Variants in PRR16 observed in about 807,000 individuals in gnomAD.
PRR16 encodes proline rich 16, also known as protein Largen.
Under a neutral mutation model 18.2 loss-of-function variants are expected in PRR16, and 6 were observed. That is an observed-to-expected ratio of 0.33 (90% CI 0.18 to 0.65). The LOEUF (loss-of-function observed/expected upper bound fraction) is 0.65. PRR16 is among the 30% of genes least tolerant of loss of function. The probability of loss-of-function intolerance (pLI) is 0.74; values close to 1 mark genes in which losing one functional copy is unlikely to be tolerated. For synonymous variants in PRR16, 151 were observed against 147.8 expected, an observed-to-expected ratio of 1.02 and a Z score of -0.16; for missense variants, 412 against 376.6, an observed-to-expected ratio of 1.09 and a Z score of -0.78.
At chr5:120,781,035 C>T in the PRR16 span, among the ~76,000 whole-genome samples, 1,953 of 152,124 alleles carry the variant, frequency 0.013, 40 homozygotes, top group African/African-American at 0.043. Flanking sequence ...GGCAACAGAG[C>T]GAGACTCCAT....
chr5:120,659,331 T>C (rs890110905), intron 1 of PRR16, among the ~76,000 whole-genome samples: 2 of 152,092 alleles, frequency 1.3e-5, no homozygotes, highest in African/African-American at 4.8e-5. Flanking sequence ...TCCTTGAGAG[T>C]TTCTGTTTGT....
At chr5:120,490,292 T>G (rs919435071) in intron 1 of PRR16, among the ~76,000 whole-genome samples, 4 of 152,228 alleles carry the variant, frequency 2.6e-5, no homozygotes, top group African/African-American at 9.6e-5. Context: ...TGTACCGCAA[T>G]CGGATGTAGA....
At chr5:120,479,183 A>G (rs974697541) in intron 1 of PRR16, among the ~76,000 whole-genome samples, 2 of 152,180 alleles carry the variant, frequency 1.3e-5, no homozygotes, top group Non-Finnish European at 2.9e-5. Context: ...TTTGGAGATT[A>G]TCCTATCAAG....
chr5:120,726,594 CTTAGT>C, the PRR16 span, among the ~76,000 whole-genome samples: 2 of 151,986 alleles, frequency 1.3e-5, no homozygotes, highest in East Asian at 1.9e-4. Flanking sequence ...TTTAATGTTT[CTTAGT>C]TTAGTATGTT....
chr5:120,564,361 C>G (rs1181860941), intron 1 of PRR16, among the ~76,000 whole-genome samples: 1 of 152,088 alleles, frequency 6.6e-6, no homozygotes, highest in Middle Eastern at 3.2e-3. Flanking sequence ...GACTGCCTTT[C>G]AAGTTTACCT....
At chr5:120,539,359 A>G (rs1751832900) in intron 1 of PRR16, among the ~76,000 whole-genome samples, 2 of 151,720 alleles carry the variant, frequency 1.3e-5, no homozygotes, top group African/African-American at 4.8e-5. Flanking sequence ...AATAATAACA[A>G]CAAAGAAACC....
In PRR16 at chr5:120,559,740, C is replaced by T. The variant is rs368012988; in HGVS notation, c.159+95095C>T. Among the ~76,000 whole-genome samples, 33 of 151,808 alleles carry T rather than the reference C, an allele frequency of 2.2e-4. 1 individual carries two copies. The East Asian group carries it at 5.2e-3, about 24-fold the overall frequency. On this transcript the variant is annotated intron_variant, in intron 1 of 1. Coordinates refer to ENST00000407149, the MANE Select transcript of PRR16 (RefSeq NM_001300783.2). ...TTGGCGTTGAATCTGTAGATTACTT[C>T]GGGTAGTATGAACATTTTAACATTG...
chr5:120,685,322 T>C (rs1757086540), intron 1 of PRR16, among the ~76,000 whole-genome samples: 1 of 152,182 alleles, frequency 6.6e-6, no homozygotes, highest in Non-Finnish European at 1.5e-5. Flanking sequence ...GGATTCTAAA[T>C]TGTCATAATA....
chr5:120,527,066 A>G (rs1751378715), intron 1 of PRR16, among the ~76,000 whole-genome samples: 1 of 152,100 alleles, frequency 6.6e-6, no homozygotes, highest in African/African-American at 2.4e-5. Context: ...CTTTGATTCT[A>G]TGAATTTGAC....
chr5:120,751,144 A>G, the PRR16 span, among the ~76,000 whole-genome samples: 3 of 152,168 alleles, frequency 2.0e-5, no homozygotes, highest in African/African-American at 7.2e-5. Context: ...ATGGCTGAGT[A>G]GTATTCCACT....
At chr5:120,783,698 T>C in the PRR16 span, among the ~76,000 whole-genome samples, 1 of 152,132 alleles carries the variant, frequency 6.6e-6, no homozygotes, top group Non-Finnish European at 1.5e-5. Flanking sequence ...ACCTAAAACA[T>C]TTATCATGTT....
chr5:120,789,753 A>C, the PRR16 span, among the ~76,000 whole-genome samples: 2 of 152,144 alleles, frequency 1.3e-5, no homozygotes, highest in African/African-American at 4.8e-5. Context: ...ACTAAGTTAT[A>C]AAATAATATA....
chr5:120,536,338 C>T (rs1012312790), intron 1 of PRR16, among the ~76,000 whole-genome samples: 1 of 152,132 alleles, frequency 6.6e-6, no homozygotes, highest in African/African-American at 2.4e-5. Context: ...ATCTATAAAC[C>T]TCAGCTGCAA....
rs1756476322 is a variant in PRR16 at position 120,668,527 on chromosome 5, T to C, written c.160-17427T>C. Among the ~76,000 whole-genome samples, 2 of 152,164 alleles carry C rather than the reference T, an allele frequency of 1.3e-5. 1 individual carries two copies. Among genetic ancestry groups the C allele is most frequent in the African/African-American group, 4.8e-5 (2 of 41,440 alleles). On this transcript the variant is annotated intron_variant, in intron 1 of 1. Transcript: ENST00000407149. ...GTTAACTGGTTATTTTGCTCGTTAG[T>C]TGATGGAGTTTCTTCCTAGTCTTGA...
chr5:120,534,265 T>G (rs1751644009), intron 1 of PRR16, among the ~76,000 whole-genome samples: 1 of 152,214 alleles, frequency 6.6e-6, no homozygotes, highest in African/African-American at 2.4e-5. Context: ...AGATTGAGTC[T>G]GGGGCATTCA....
At chr5:120,561,291 C>G (rs946794377) in intron 1 of PRR16, among the ~76,000 whole-genome samples, 1 of 151,602 alleles carries the variant, frequency 6.6e-6, no homozygotes, top group Non-Finnish European at 1.5e-5. Context: ...TCACTGTATC[C>G]CATAGGTTTC....
chr5:120,754,499 T>TATAATATA, the PRR16 span, among the ~76,000 whole-genome samples: 1 of 64,886 alleles, frequency 1.5e-5, no homozygotes, highest in Non-Finnish European at 2.6e-5. Context: ...AGTATGTATT[T>TATAATATA]TATTATGTAT....
intron 1 of PRR16, among the ~76,000 whole-genome samples, chr5:120,599,413 A>G (rs971585688): frequency 3.3e-5 from 5 of 151,924 alleles, no homozygotes; most frequent in East Asian, 1.9e-4. Context: ...AATTAAATTT[A>G]TATTTACTCA....
intron 1 of PRR16, among the ~76,000 whole-genome samples, chr5:120,542,449 T>C (rs148328625): frequency 6.6e-6 from 1 of 151,788 alleles, no homozygotes; most frequent in East Asian, 1.9e-4. Context: ...ATGATACACT[T>C]GTCAGAAATT....
Sources: gnomAD v4.1 joint callset for allele counts (sites outside exome capture counted in the v4.1 genomes callset) on GRCh38, gnomAD v4.1.1 for gene constraint, MANE v1.5 for transcripts, NCBI Gene and HGNC (gene_info 2026-07-23, HGNC 2026-07-21) for gene names.